The following NRG1 variants were observed in gnomAD, a reference collection of about 807,000 sequenced individuals.
NRG1 encodes the protein pro-neuregulin-1, membrane-bound isoform.
Under a neutral mutation model 63.8 loss-of-function variants are expected in NRG1, and 18 were observed. The ratio of observed to expected loss-of-function variants is 0.28; its 90% CI spans 0.19 to 0.42. The LOEUF is 0.42. Ranked by LOEUF, NRG1 falls within the 10% of genes least tolerant of loss-of-function variation. The pLI, the probability that NRG1 is intolerant of heterozygous loss-of-function variation, is 1.00. For missense variants in NRG1, 762 were observed against 814.7 expected, an observed-to-expected ratio of 0.94 and a Z score of 0.79; for synonymous variants, 302 against 301.3, an observed-to-expected ratio of 1.00 and a Z score of -0.02.
intron 1 of NRG1, among the ~76,000 whole-genome samples, chr8:31,707,923 C>T (rs750816040): frequency 6.6e-6 from 1 of 152,116 alleles, no homozygotes; most frequent in African/African-American, 2.4e-5. Flanking sequence ...CTCGTCTAAT[C>T]GCTTTGGATT....
intron 1 of NRG1, among the ~76,000 whole-genome samples, chr8:32,012,372 T>C (rs1449236443): frequency 2.0e-5 from 3 of 152,074 alleles, no homozygotes; most frequent in Non-Finnish European, 2.9e-5. Context: ...TTGCAGATGA[T>C]ATTTAGGAAC....
At chr8:31,646,461 A>C (rs1176072540) in intron 1 of NRG1, among the ~76,000 whole-genome samples, 1 of 152,228 alleles carries the variant, frequency 6.6e-6, no homozygotes, top group Admixed American at 6.5e-5. Flanking sequence ...GGGATGGACG[A>C]GGGATAAGAA....
intron 1 of NRG1, among the ~76,000 whole-genome samples, chr8:32,042,447 A>G (rs187725406): frequency 5.4e-4 from 72 of 132,238 alleles, no homozygotes; most frequent in Middle Eastern, 6.8e-3. Flanking sequence ...CCTAAAAATT[A>G]AAAAAAACAA....
intron 5 of NRG1, among the ~76,000 whole-genome samples, chr8:32,640,618 C>CTGCACA (rs1270551369): frequency 1.2e-5 from 1 of 82,826 alleles, no homozygotes; most frequent in Non-Finnish European, 2.3e-5. Context: ...GATCTCAGAC[C>CTGCACA]CGCACACACA....
chr8:32,246,135 C>A (rs1387808609), intron 1 of NRG1, among the ~76,000 whole-genome samples: 1 of 152,114 alleles, frequency 6.6e-6, no homozygotes, highest in East Asian at 1.9e-4. Flanking sequence ...TTTCTGATTT[C>A]TCTAACAGTC....
At chr8:32,119,989 C>T (rs1054354197) in intron 1 of NRG1, among the ~76,000 whole-genome samples, 6 of 151,960 alleles carry the variant, frequency 3.9e-5, no homozygotes, top group Non-Finnish European at 8.8e-5. Flanking sequence ...TTGTTTTTTT[C>T]TAGTGATAAG....
intron 1 of NRG1, among the ~76,000 whole-genome samples, chr8:32,170,506 C>T (rs2131999487): frequency 6.6e-6 from 1 of 152,272 alleles, no homozygotes; most frequent in Middle Eastern, 3.4e-3. Flanking sequence ...TTAGGCTGAC[C>T]TCATCTATGG....
chr8:32,465,726 G>A (rs11778359), intron 1 of NRG1, among the ~76,000 whole-genome samples: 1 of 149,452 alleles, frequency 6.7e-6, no homozygotes, highest in African/African-American at 2.4e-5. Flanking sequence ...CTGAAGAGAA[G>A]TATTCAGGAA....
chr8:31,784,809 A>G (rs1820025146), intron 1 of NRG1, among the ~76,000 whole-genome samples: 1 of 152,124 alleles, frequency 6.6e-6, no homozygotes, highest in Non-Finnish European at 1.5e-5. Context: ...ATACTCTTTG[A>G]ATTTTCTGGC....
intron 1 of NRG1, among the ~76,000 whole-genome samples, chr8:31,900,461 A>C (rs13252567): frequency 0.06 from 9,070 of 152,290 alleles, 340 homozygotes; most frequent in Admixed American, 0.12. Flanking sequence ...CAAGGATAGC[A>C]TTATACTAAG....
chr8:31,973,379 T>C (rs965965845), intron 1 of NRG1, among the ~76,000 whole-genome samples: 2 of 152,352 alleles, frequency 1.3e-5, no homozygotes, highest in South Asian at 4.1e-4. Flanking sequence ...AACTTGTTCC[T>C]TTGTATAAAC....
chr8:32,502,178 A>C (rs980909097), intron 1 of NRG1, among the ~76,000 whole-genome samples: 1 of 152,026 alleles, frequency 6.6e-6, no homozygotes, highest in Non-Finnish European at 1.5e-5. Flanking sequence ...GAAGCCTCCA[A>C]TCATGGCAGA....
intron 1 of NRG1, among the ~76,000 whole-genome samples, chr8:31,944,090 A>T (rs1012139931): frequency 1.3e-5 from 2 of 152,214 alleles, no homozygotes; most frequent in Non-Finnish European, 2.9e-5. Flanking sequence ...TTAGCACTAC[A>T]TAGAATGACA....
chr8:32,577,210 T>C (rs73591004), intron 1 of NRG1, among the ~76,000 whole-genome samples: 2,490 of 152,344 alleles, frequency 0.016, 48 homozygotes, highest in South Asian at 0.11. Flanking sequence ...ATTTCCTCAA[T>C]GCAGTCCACC....
intron 1 of NRG1, among the ~76,000 whole-genome samples, chr8:32,342,961 T>C (rs1804261746): frequency 6.6e-6 from 1 of 152,164 alleles, no homozygotes; most frequent in Admixed American, 6.5e-5. Context: ...GATGAGATCT[T>C]TAAGAAGAAG....
At chr8:32,127,946 CA>C (rs1263664964) in intron 1 of NRG1, among the ~76,000 whole-genome samples, 2 of 151,816 alleles carry the variant, frequency 1.3e-5, no homozygotes, top group African/African-American at 4.8e-5. Context: ...AAAAACAAAA[CA>C]AAAACATCCT....
At chr8:31,646,459 C>T (rs926574581) in intron 1 of NRG1, among the ~76,000 whole-genome samples, 6 of 152,154 alleles carry the variant, frequency 3.9e-5, no homozygotes, top group East Asian at 3.9e-4. Context: ...AGGGGATGGA[C>T]GAGGGATAAG....
At chr8:32,459,832 A>G (rs192165950) in intron 1 of NRG1, among the ~76,000 whole-genome samples, 3 of 152,178 alleles carry the variant, frequency 2.0e-5, no homozygotes, top group Non-Finnish European at 4.4e-5. Context: ...TGCAATTGCT[A>G]TTTTCTATGG....
intron 1 of NRG1, among the ~76,000 whole-genome samples, chr8:32,056,685 C>T (rs1253341076): frequency 2.6e-5 from 4 of 152,142 alleles, no homozygotes; most frequent in African/African-American, 9.7e-5. Flanking sequence ...GTCCTTGGCA[C>T]TGAAAATACC....
Sources: allele counts gnomAD v4.1 joint callset (sites outside exome capture counted in the v4.1 genomes callset), GRCh38; gene constraint gnomAD v4.1.1; transcripts MANE v1.5; gene names NCBI Gene and HGNC (gene_info 2026-07-23, HGNC 2026-07-21).